ATF7: variants seen among roughly 807,000 people sequenced by gnomAD.
ATF7 encodes the protein cyclic AMP-dependent transcription factor ATF-7.
ATF7 carries 10 observed loss-of-function variants against 50.4 expected under a neutral mutation model. The observed-to-expected ratio is 0.20, with a 90% CI of 0.12 to 0.34. The LOEUF is 0.34. Ranked by LOEUF, ATF7 falls within the 10% of genes least tolerant of loss-of-function variation. The pLI, the probability that ATF7 is intolerant of heterozygous loss-of-function variation, is 1.00. For missense variants in ATF7, 465 were observed against 613.9 expected, an observed-to-expected ratio of 0.76 and a Z score of 2.56; for synonymous variants, 201 against 226.4, an observed-to-expected ratio of 0.89 and a Z score of 1.01.
chr12:53,621,498 C>T (rs918044226), intron 1 of ATF7, among the ~76,000 whole-genome samples: 6 of 152,072 alleles, frequency 3.9e-5, no homozygotes, highest in East Asian at 1.9e-4. Context: ...AAATCAACTA[C>T]ATGGCCGGCG....
chr12:53,601,154 G>A, intron 1 of ATF7, 133 bp from the exon 2 acceptor site: 2 of 651,996 alleles, frequency 3.1e-6, no homozygotes, highest in Non-Finnish European at 5.2e-6. Flanking sequence ...GTAAACACAG[G>A]CTACTTTGGG....
At chr12:53,542,902 A>G (rs375302521) in intron 4 of ATF7, 7 of 1,016,050 alleles carry the variant, frequency 6.9e-6, no homozygotes, top group East Asian at 9.4e-5. Flanking sequence ...GAAATTTGAT[A>G]AATGTTTATT....
At chr12:53,531,954 A>G in intron 8 of ATF7, 58 bp from the exon 9 acceptor site, 1 of 1,587,148 alleles carries the variant, frequency 6.3e-7, no homozygotes, top group East Asian at 2.2e-5. Flanking sequence ...CAAGGATGAG[A>G]AGAGTGGCCT....
chr12:53,533,992 C>T (rs550973754), intron 6 of ATF7, among the ~76,000 whole-genome samples: 1 of 152,220 alleles, frequency 6.6e-6, no homozygotes, highest in South Asian at 2.1e-4. Flanking sequence ...AAAGTATTAC[C>T]CCCGGCTGGG....
chr12:53,522,009 T>G (rs1938153683), intron 11 of ATF7, among the ~76,000 whole-genome samples: 1 of 152,224 alleles, frequency 6.6e-6, no homozygotes, highest in Non-Finnish European at 1.5e-5. Flanking sequence ...TGAATTTAAT[T>G]TGTAAAAAGA....
chr12:53,521,980 T>C (rs1938151861), intron 11 of ATF7, among the ~76,000 whole-genome samples: 1 of 152,242 alleles, frequency 6.6e-6, no homozygotes, highest in South Asian at 2.1e-4. Context: ...TATATCAAAG[T>C]TTGAGAGCAA....
intron 3 of ATF7, among the ~76,000 whole-genome samples, chr12:53,550,340 AAAT>A (rs1447750800): frequency 1.4e-5 from 2 of 141,858 alleles, no homozygotes; most frequent in East Asian, 2.0e-4. Context: ...AAAAATAAAT[AAAT>A]AAATAAATAA....
intron 2 of ATF7, among the ~76,000 whole-genome samples, chr12:53,563,355 C>A (rs1941261560): frequency 6.6e-6 from 1 of 152,070 alleles, no homozygotes; most frequent in Admixed American, 6.6e-5. Flanking sequence ...GTGGCTCACA[C>A]CTGTAATCCC....
intron 9 of ATF7, among the ~76,000 whole-genome samples, chr12:53,530,174 G>T (rs1336993848): frequency 6.6e-6 from 1 of 152,196 alleles, no homozygotes; most frequent in Non-Finnish European, 1.5e-5. Flanking sequence ...GGCTTCAGTG[G>T]GGTTACAGGA....
chr12:53,523,108 A>C, intron 11 of ATF7, 168 bp downstream of exon 11: 1 of 581,642 alleles, frequency 1.7e-6, no homozygotes, highest in Non-Finnish European at 3.1e-6. Context: ...TATATCGTCT[A>C]CAAAAACATT....
At chr12:53,535,788 A>T (rs1939184828) in intron 5 of ATF7, among the ~76,000 whole-genome samples, 1 of 152,168 alleles carries the variant, frequency 6.6e-6, no homozygotes, top group Non-Finnish European at 1.5e-5. Context: ...TTTATGAATT[A>T]TGTGAATTTT....
At chr12:53,532,817 C>T (rs913079765) in intron 7 of ATF7, among the ~76,000 whole-genome samples, 194 bp from the exon 8 acceptor site, 2 of 152,136 alleles carry the variant, frequency 1.3e-5, no homozygotes, top group Admixed American at 6.6e-5. Context: ...GAATTTAATC[C>T]TTCAGTGTTG....
At chr12:53,573,936 T>A (rs1024278390) in intron 2 of ATF7, among the ~76,000 whole-genome samples, 15 of 152,242 alleles carry the variant, frequency 9.9e-5, no homozygotes, top group African/African-American at 3.6e-4. Context: ...TATTGAGACC[T>A]AATCATACGA....
At chr12:53,549,403 CCTTT>C (rs1478669927) in intron 3 of ATF7, among the ~76,000 whole-genome samples, 3 of 151,440 alleles carry the variant, frequency 2.0e-5, no homozygotes, top group African/African-American at 7.3e-5. Flanking sequence ...TATAAATAGC[CCTTT>C]CTTTTTTTTT....
intron 4 of ATF7, among the ~76,000 whole-genome samples, chr12:53,538,526 T>C (rs1470204446): frequency 6.6e-6 from 1 of 152,172 alleles, no homozygotes; most frequent in Non-Finnish European, 1.5e-5. Flanking sequence ...GAGAGCACTT[T>C]CCTGGCAGTG....
intron 1 of ATF7, among the ~76,000 whole-genome samples, chr12:53,610,837 CTTGT>C (rs1253812170): frequency 6.6e-6 from 1 of 151,878 alleles, no homozygotes; most frequent in Non-Finnish European, 1.5e-5. Context: ...GGTGAGTTTT[CTTGT>C]TTGTTTGAGA....
At chr12:53,536,384 C>A (rs1405187370) in intron 5 of ATF7, among the ~76,000 whole-genome samples, 1 of 151,366 alleles carries the variant, frequency 6.6e-6, no homozygotes, top group Non-Finnish European at 1.5e-5. Flanking sequence ...TCAAGCAATT[C>A]TCCTATCTCA....
chr12:53,615,309 G>A (rs888211806), intron 1 of ATF7, among the ~76,000 whole-genome samples: 13 of 151,552 alleles, frequency 8.6e-5, no homozygotes, highest in African/African-American at 2.4e-5. Flanking sequence ...GCATGAACCC[G>A]GGAGGCGAAG....
chr12:53,593,140 A>G (rs7297433), intron 2 of ATF7, among the ~76,000 whole-genome samples: 17,003 of 152,164 alleles, frequency 0.11, 1,063 homozygotes, highest in Admixed American at 0.19. Context: ...TGCAGTTGCT[A>G]ATGACTGTAA....
Sources: allele counts gnomAD v4.1 joint callset (sites outside exome capture counted in the v4.1 genomes callset), GRCh38; gene constraint gnomAD v4.1.1; transcripts MANE v1.5; gene names NCBI Gene and HGNC (gene_info 2026-07-23, HGNC 2026-07-21).